Variants in ESYT3 observed in about 807,000 individuals in gnomAD.
ESYT3 encodes the protein extended synaptotagmin-3.
In ESYT3, 101 loss-of-function variants were observed where a neutral mutation model predicts 111.5. That is an observed-to-expected ratio of 0.91 (90% CI 0.77 to 1.07). The LOEUF is 1.07. Among genes scored for constraint, ESYT3 ranks in the 50% least tolerant of loss-of-function variants. The pLI is 0.00. For synonymous variants in ESYT3, 416 were observed against 446.8 expected, an observed-to-expected ratio of 0.93 and a Z score of 0.87; for missense variants, 1,097 against 1,109.4, an observed-to-expected ratio of 0.99 and a Z score of 0.16.
intron 5 of ESYT3, 65 bp from the exon 6 acceptor site, chr3:138,459,880 T>G: frequency 6.8e-7 from 1 of 1,463,106 alleles, no homozygotes; most frequent in Non-Finnish European, 9.5e-7. Context: ...TGGCCTCAGC[T>G]GAGCCCAGCA....
At chr3:138,459,904 A>G (rs753049610) in intron 5 of ESYT3, 41 bp from the exon 6 acceptor site, 4 of 1,577,234 alleles carry the variant, frequency 2.5e-6, no homozygotes, top group Non-Finnish European at 3.5e-6. Flanking sequence ...ATGGGGAGAA[A>G]GTAGGCCTGG....
intron 18 of ESYT3, 59 bp downstream of exon 18, chr3:138,472,918 G>A: frequency 6.5e-7 from 1 of 1,549,746 alleles, no homozygotes; most frequent in Non-Finnish European, 8.7e-7. Flanking sequence ...TACCTCGCTG[G>A]ATGGAAAAGT....
intron 8 of ESYT3, among the ~76,000 whole-genome samples, chr3:138,463,195 A>G (rs893403975): frequency 2.0e-5 from 3 of 151,904 alleles, no homozygotes; most frequent in African/African-American, 7.3e-5. Context: ...CCTAGGTTCA[A>G]GTGATTCTCC....
chr3:138,470,389 T>C, intron 16 of ESYT3: 1 of 1,222,998 alleles, frequency 8.2e-7, no homozygotes, highest in Non-Finnish European at 1.0e-6. Context: ...TGCAAAAGGG[T>C]CTTTATATTT....
At chr3:138,460,807 G>A in intron 7 of ESYT3, 141 bp downstream of exon 7, 1 of 977,684 alleles carries the variant, frequency 1.0e-6, no homozygotes, top group Non-Finnish European at 1.6e-6. Context: ...TCTGTTTGGA[G>A]TGGGAGGCTA....
chr3:138,434,700 C>T lies in ESYT3; in HGVS notation c.-99C>T. 2 of 1,126,760 alleles carry T rather than the reference C, an allele frequency of 1.8e-6. No individual in the cohort carries two copies. The highest frequency in any genetic ancestry group is 3.2e-5 in the African/African-American group (2 of 62,506). 69.8% of individuals were successfully genotyped at this position (1,126,760 alleles called of 1,614,324 possible). A position where few individuals can be genotyped will look rare whatever the true frequency, so the allele number is the denominator to read the frequency against. ...CAGCAGGGCAAGGGGGCGCGGCGTC[C>T]TGGTCCTCGAGCTTGGGAGACAGAT... is the stretch of plus-strand genomic sequence containing the variant. On this transcript the variant is annotated 5_prime_UTR_variant, in exon 1 of 23. Coordinates refer to ENST00000389567, the MANE Select transcript of ESYT3 (RefSeq NM_031913.5).
chr3:138,436,484 G>C (rs1310731072), intron 1 of ESYT3, among the ~76,000 whole-genome samples: 4 of 152,248 alleles, frequency 2.6e-5, no homozygotes, highest in Non-Finnish European at 5.9e-5. Context: ...GCACTTCAAA[G>C]TGGGCATACA....
intron 1 of ESYT3, among the ~76,000 whole-genome samples, chr3:138,448,295 G>GAAAC: frequency 8.9e-6 from 1 of 111,944 alleles, no homozygotes. Context: ...AAAAAAAAAT[G>GAAAC]CAGGGGAGGG....
At chr3:138,480,339 C>G (rs2033665535), downstream of ESYT3, 2 of 152,128 alleles carry the variant, frequency 1.3e-5, no homozygotes, top group Non-Finnish European at 2.9e-5. Context: ...TTAATGGCAG[C>G]AAACAATATA....
chr3:138,442,896 T>C (rs541242047), intron 1 of ESYT3, among the ~76,000 whole-genome samples: 11 of 152,232 alleles, frequency 7.2e-5, no homozygotes, highest in African/African-American at 2.4e-4. Flanking sequence ...TGTGGTCTTA[T>C]CAGCATTGAA....
In ESYT3 at chr3:138,446,864, A is replaced by AAAAC. The variant is rs59182962; in HGVS notation, c.328-5165_328-5162dup. 5.0e-3 allele frequency among the ~76,000 whole-genome samples: 767 copies of AAAAC among 152,184 alleles called. 4 individuals are homozygous for AAAAC. Among genetic ancestry groups the AAAAC allele is most frequent in the African/African-American group, 0.017 (711 of 41,508 alleles). On this transcript the variant is annotated intron_variant, in intron 1 of 22. Transcript: ENST00000389567. ...AACATGACCTAATCCCGTCTCTACC[A>AAAAC]AAACAAACAAACAAACAAACAATAG...
At position 138,443,755 on chromosome 3, in the gene ESYT3, T is replaced by TGTGTGA. The variant is rs745761497; in HGVS notation, c.328-8292_328-8291insTGTGAG. Among the ~76,000 whole-genome samples, 109 of 148,556 alleles carry TGTGTGA rather than the reference T, an allele frequency of 7.3e-4. 1 individual carries two copies. Among genetic ancestry groups the TGTGTGA allele is most frequent in the African/African-American group, 2.5e-3 (100 of 39,696 alleles). ...GTGCATCTGTGTGTGTGTGTGTGTG[T>TGTGTGA]GACATGGCTGCTCCATGGGAGAGCT... On this transcript the variant is annotated intron_variant, in intron 1 of 22. Coordinates refer to ENST00000389567, the MANE Select transcript of ESYT3 (RefSeq NM_031913.5).
intron 2 of ESYT3, among the ~76,000 whole-genome samples, chr3:138,453,966 G>C (rs966249087): frequency 1.3e-5 from 2 of 152,190 alleles, no homozygotes; most frequent in African/African-American, 4.8e-5. Context: ...TGACCCCGCT[G>C]TGTGCTACCA....
intron 3 of ESYT3, among the ~76,000 whole-genome samples, chr3:138,455,767 A>G (rs1039735493): frequency 6.6e-6 from 1 of 152,332 alleles, no homozygotes; most frequent in East Asian, 1.9e-4. Context: ...TATGGCACTC[A>G]GTGTTACAAG....
chr3:138,440,694 G>A lies in ESYT3; in HGVS notation c.327+5569G>A, dbSNP rs1223255304. On this transcript the variant is annotated intron_variant, in intron 1 of 22. Transcript: ENST00000389567. This position sits in a 1 kb window ranked among gnomAD's most constrained non-coding sequence, Gnocchi z 4.2. Reference sequence around the variant, plus strand: ...GATAAATTTTTAGTCATGCCTTTGGGGTTTCTGCCCCATGTCTTAATGATG... The same window carrying A: ...GATAAATTTTTAGTCATGCCTTTGGAGTTTCTGCCCCATGTCTTAATGATG... 6.6e-6 allele frequency among the ~76,000 whole-genome samples: 1 copy of A among 152,168 alleles called. No homozygotes were observed. Among genetic ancestry groups the A allele is most frequent in the Non-Finnish European group, 1.5e-5 (1 of 68,042 alleles).
chr3:138,471,038 C>G lies in ESYT3; in HGVS notation c.1740+12C>G. 6.2e-7 allele frequency: 1 copy of G among 1,609,464 alleles called. No individual in the cohort carries two copies. The highest frequency in any genetic ancestry group is 8.5e-7 in the Non-Finnish European group (1 of 1,176,514). On this transcript the variant is annotated intron_variant, in intron 17 of 22. Transcript: ENST00000389567. Reference sequence around the variant, plus strand: ...GGCTGGTGCTTCGGGTAAATCTCTCCGGTCCCCTGGGGGAGGGGAGGAATA... The same window carrying G: ...GGCTGGTGCTTCGGGTAAATCTCTCGGGTCCCCTGGGGGAGGGGAGGAATA...
chr3:138,457,626 C>G lies in ESYT3; in HGVS notation c.563C>G (p.Thr188Ser). 1 of 1,614,158 alleles carries G rather than the reference C, an allele frequency of 6.2e-7. No homozygotes were observed. Among genetic ancestry groups the G allele is most frequent in the Non-Finnish European group, 8.5e-7 (1 of 1,180,040 alleles). The change falls in exon 4 of 23, where the codon ACT becomes AGT. Residue 188 changes from threonine to serine, a missense_variant. Thr to Ser is a moderately conservative substitution (Grantham distance 58, BLOSUM62 1). Transcript: ENST00000389567. ...AATACGTGCAACCGAAGACGTGTGACTGTGGACCTGCAGATCTGGTGAGCT... is the reference window on the plus strand; with the variant it reads ...AATACGTGCAACCGAAGACGTGTGAGTGTGGACCTGCAGATCTGGTGAGCT... ...HTNTCNRRRV[T>S]VDLQICYIGD...
Position 138,452,070 on chromosome 3 carries a change from G to C in ESYT3, c.350G>C (p.Arg117Pro), listed in dbSNP as rs2031972517. Reference protein sequence around the residue: ...PAWIHFPDVERVEWANKIISQ... With the variant: ...PAWIHFPDVEPVEWANKIISQ... The stretch of plus-strand genomic sequence containing the variant: ...TAGATCCACTTCCCGGACGTGGAGC[G>C]GGTCGAGTGGGCCAACAAGGTAAGG... The change falls in exon 2 of 23, where the codon CGG becomes CCG. Residue 117 changes from arginine to proline, a missense_variant. Transcript: ENST00000389567. The C allele has an allele frequency of 1.2e-6, 2 of 1,613,008 alleles. No individual in the cohort carries two copies. Among genetic ancestry groups the C allele is most frequent in the Non-Finnish European group, 1.7e-6 (2 of 1,179,888 alleles).
At chr3:138,476,599 A>C in intron 22 of ESYT3, 107 bp downstream of exon 22, 1 of 1,177,712 alleles carries the variant, frequency 8.5e-7, no homozygotes, top group South Asian at 1.3e-5. Flanking sequence ...AGGGAGATGA[A>C]CACCTTTATT....
Sources: allele counts gnomAD v4.1 joint callset (sites outside exome capture counted in the v4.1 genomes callset), GRCh38; gene constraint gnomAD v4.1.1; non-coding constraint Gnocchi (gnomAD v3.1); transcripts MANE v1.5; gene names NCBI Gene and HGNC (gene_info 2026-07-23, HGNC 2026-07-21).